SMYD3: variants seen among roughly 807,000 people sequenced by gnomAD.
The protein encoded by SMYD3 is SET and MYND domain containing 3.
Under a neutral mutation model 57.7 loss-of-function variants are expected in SMYD3, and 36 were observed. The ratio of observed to expected loss-of-function variants is 0.62; its 90% confidence interval spans 0.48 to 0.82. SMYD3 has a LOEUF of 0.82. Ranked by LOEUF, SMYD3 falls within the 40% of genes least tolerant of loss-of-function variation. The pLI, the probability that SMYD3 is intolerant of heterozygous loss-of-function variation, is 0.00. For missense variants in SMYD3, 515 were observed against 538.8 expected, an observed-to-expected ratio of 0.96 and a Z score of 0.44; for synonymous variants, 211 against 195.0, an observed-to-expected ratio of 1.08 and a Z score of -0.68.
At chr1:246,117,767 C>T (rs1257911343) in intron 5 of SMYD3, among the ~76,000 whole-genome samples, 1 of 152,172 alleles carries the variant, frequency 6.6e-6, no homozygotes, top group African/African-American at 2.4e-5. Context: ...TGGTGGTTTG[C>T]TGTGCCTATC....
At chr1:246,067,274 C>T (rs1326657694) in intron 5 of SMYD3, among the ~76,000 whole-genome samples, 6 of 152,140 alleles carry the variant, frequency 3.9e-5, no homozygotes, top group Non-Finnish European at 7.3e-5. Context: ...TACCAGACAG[C>T]CAGTGGGGGA....
chr1:246,481,139 G>C (rs1368213418), intron 1 of SMYD3, among the ~76,000 whole-genome samples: 3 of 152,108 alleles, frequency 2.0e-5, no homozygotes, highest in Non-Finnish European at 4.4e-5. Flanking sequence ...AACAGAGAAA[G>C]AGCAATACAC....
chr1:245,988,186 C>T (rs1343651273), intron 5 of SMYD3, among the ~76,000 whole-genome samples: 2 of 152,104 alleles, frequency 1.3e-5, no homozygotes, highest in Non-Finnish European at 2.9e-5. Context: ...CACAAGCCTC[C>T]CCTGCCCAGT....
chr1:245,965,052 T>C (rs977810006), intron 5 of SMYD3, among the ~76,000 whole-genome samples: 1 of 151,534 alleles, frequency 6.6e-6, no homozygotes, highest in Non-Finnish European at 1.5e-5. Flanking sequence ...AAATCAAAGA[T>C]AAAGAAAAAA....
chr1:246,227,956 C>CTTTTTTTTTTTTTTTT (rs202246263), intron 5 of SMYD3, among the ~76,000 whole-genome samples: 2 of 115,596 alleles, frequency 1.7e-5, no homozygotes, highest in Admixed American at 9.1e-5. Context: ...ATTTTTATTC[C>CTTTTTTTTTTTTTTTT]TTTTTTTTTT....
chr1:246,237,566 T>G (rs1460475677), intron 5 of SMYD3, among the ~76,000 whole-genome samples: 3 of 152,152 alleles, frequency 2.0e-5, no homozygotes, highest in African/African-American at 7.2e-5. Context: ...AGTCACTCCC[T>G]CCCCGTTTCT....
At chr1:246,366,940 A>T (rs2066114208) in intron 1 of SMYD3, among the ~76,000 whole-genome samples, 6 of 152,060 alleles carry the variant, frequency 3.9e-5, no homozygotes, top group Admixed American at 3.9e-4. Context: ...CAAAAAAAAA[A>T]AAAAAAAAAA....
rs765502175 is a variant in SMYD3, at chr1:246,076,673, TTTTG to T, written c.532-146740_532-146737del. Among the ~76,000 whole-genome samples, 14 of 121,060 alleles carry T rather than the reference TTTTG, an allele frequency of 1.2e-4. 1 individual carries two copies. The South Asian group carries it at 2.6e-3, about 22-fold the overall frequency. The allele number at this position is 121,060 out of a possible 152,430, so 79.4% of individuals were successfully genotyped here. Reference sequence around the variant, plus strand: ...CTGCTCCCACTAGCATTCTGTCTGGTTTTGTTTTTTTTTTCTAGATTAATTCAAT... The same window carrying T: ...CTGCTCCCACTAGCATTCTGTCTGGTTTTTTTTTTTCTAGATTAATTCAAT... On this transcript the variant is annotated intron_variant, in intron 5 of 11. Transcript: ENST00000490107.
At chr1:245,828,051 AG>A (rs1272419388) in intron 10 of SMYD3, among the ~76,000 whole-genome samples, 2 of 152,238 alleles carry the variant, frequency 1.3e-5, no homozygotes, top group Non-Finnish European at 2.9e-5. Context: ...TTATTTCCAT[AG>A]GGAAAAAAAG....
intron 1 of SMYD3, among the ~76,000 whole-genome samples, chr1:246,486,089 C>T (rs2068183704): frequency 6.6e-6 from 1 of 152,200 alleles, no homozygotes; most frequent in African/African-American, 2.4e-5. Flanking sequence ...ATATCCCAGG[C>T]TTTACGCTGG....
At chr1:246,229,335 T>C (rs976184087) in intron 5 of SMYD3, among the ~76,000 whole-genome samples, 1 of 152,204 alleles carries the variant, frequency 6.6e-6, no homozygotes, top group Non-Finnish European at 1.5e-5. Flanking sequence ...TTAAATCAAA[T>C]AATTAGTAAT....
chr1:245,929,939 T>A lies in SMYD3; in HGVS notation c.532-2A>T. ...GATGGTGAAAGAGTTGCAGATCACCTGTAAACACAAGGGGAACCATCAGTA... is the reference window on the plus strand; with the variant it reads ...GATGGTGAAAGAGTTGCAGATCACCAGTAAACACAAGGGGAACCATCAGTA... On this transcript the variant is annotated splice_acceptor_variant, in intron 5 of 11. Coordinates refer to ENST00000490107, the MANE Select transcript of SMYD3 (RefSeq NM_001167740.2). LOFTEE classifies it high-confidence loss of function. 3 of 1,613,084 alleles carry A rather than the reference T, an allele frequency of 1.9e-6. No individual in the cohort carries two copies. Among genetic ancestry groups the A allele is most frequent in the Non-Finnish European group, 2.5e-6 (3 of 1,179,216 alleles).
chr1:246,340,253 C>G (rs1405122390), intron 2 of SMYD3, among the ~76,000 whole-genome samples: 1 of 149,128 alleles, frequency 6.7e-6, no homozygotes, highest in Non-Finnish European at 1.5e-5. Context: ...AATTACATAA[C>G]AATAAAGAAT....
intron 9 of SMYD3, among the ~76,000 whole-genome samples, chr1:245,860,150 TGC>T (rs1558431113): frequency 6.6e-6 from 1 of 151,448 alleles, no homozygotes; most frequent in Non-Finnish European, 1.5e-5. Context: ...CTGAACTCAG[TGC>T]CCCCTTCGTG....
intron 5 of SMYD3, among the ~76,000 whole-genome samples, chr1:246,294,729 A>G (rs1197644): frequency 0.46 from 69,338 of 151,526 alleles, 16,753 homozygotes; most frequent in East Asian, 0.82. Context: ...CTCCCAAGTA[A>G]CTGGAATTAC....
intron 9 of SMYD3, 22 bp downstream of exon 9, chr1:245,863,777 C>G: frequency 6.2e-7 from 1 of 1,608,306 alleles, no homozygotes; most frequent in Non-Finnish European, 8.5e-7. Context: ...CAGTCCACCT[C>G]AATCCACAGG....
At chr1:246,268,740 G>C (rs1157831088) in intron 5 of SMYD3, among the ~76,000 whole-genome samples, 1 of 151,852 alleles carries the variant, frequency 6.6e-6, no homozygotes, top group African/African-American at 2.4e-5. Flanking sequence ...GAAAAGAAAA[G>C]AAAAGAAAGA....
At chr1:246,280,585 T>G (rs6686387) in intron 5 of SMYD3, among the ~76,000 whole-genome samples, 23,478 of 152,176 alleles carry the variant, frequency 0.15, 2,336 homozygotes, top group East Asian at 0.31. Context: ...CAGTGAAATC[T>G]CCATTTCTCT....
chr1:246,288,062 CTTTTTTTTTTTTTTTTTT>C (rs67603439), intron 5 of SMYD3, among the ~76,000 whole-genome samples: 2 of 64,216 alleles, frequency 3.1e-5, no homozygotes, highest in African/African-American at 6.7e-5. Flanking sequence ...TCAGGTAATT[CTTTTTTTTTTTTTTTTTT>C]TTTTTTTTTT....
Sources: allele counts gnomAD v4.1 joint callset (sites outside exome capture counted in the v4.1 genomes callset), GRCh38; gene constraint gnomAD v4.1.1; transcripts MANE v1.5; gene names NCBI Gene and HGNC (gene_info 2026-07-23, HGNC 2026-07-21).